Variants in KDM2B observed in about 807,000 individuals in gnomAD.
KDM2B encodes the protein lysine-specific demethylase 2B.
KDM2B carries 26 observed loss-of-function variants against 150.0 expected under a neutral mutation model. The observed-to-expected ratio is 0.17, with a 90% CI of 0.13 to 0.24. KDM2B has a LOEUF of 0.24. Among genes scored for constraint, KDM2B ranks in the 10% least tolerant of loss-of-function variants. The probability of loss-of-function intolerance (pLI) is 1.00; values close to 1 mark genes in which losing one functional copy is unlikely to be tolerated. For synonymous variants in KDM2B, 734 were observed against 729.5 expected (o/e 1.01, Z -0.10); for missense variants, 1,265 against 1,816.9 (o/e 0.70, Z 5.52).
In KDM2B at chr12:121,467,275, C is replaced by T; in HGVS notation, c.1735-13931G>A. The T allele has an allele frequency of 2.0e-6, 2 of 987,672 alleles. No individual in the cohort carries two copies. The highest frequency in any genetic ancestry group is 1.8e-5 in the African/African-American group (1 of 56,962). The allele number at this position is 987,672 out of a possible 1,614,324, so 61.2% of individuals were successfully genotyped here. A position where few individuals can be genotyped will look rare whatever the true frequency, so the allele number is the denominator to read the frequency against. Reference sequence around the variant, plus strand: ...CTGGAGCGGCGCCGCCGCCGCCGCCCGCCCGGAGCAGGCTCGGCTCGCCCT... The same window carrying T: ...CTGGAGCGGCGCCGCCGCCGCCGCCTGCCCGGAGCAGGCTCGGCTCGCCCT... On this transcript the variant is annotated intron_variant, in intron 12 of 22. Coordinates refer to ENST00000377071, the MANE Select transcript of KDM2B (RefSeq NM_032590.5). This position sits in a 1 kb window ranked among gnomAD's most constrained non-coding sequence, Gnocchi z 5.1.
chr12:121,580,230 A>G, intron 1 of KDM2B: 1 of 1,204,930 alleles, frequency 8.3e-7, no homozygotes, highest in Non-Finnish European at 1.0e-6. Context: ...GCAAAGTCCT[A>G]GGAAACCATT....
intron 4 of KDM2B, among the ~76,000 whole-genome samples, chr12:121,553,370 G>A (rs1555312150): frequency 2.0e-5 from 3 of 152,074 alleles, no homozygotes; most frequent in Non-Finnish European, 4.4e-5. Flanking sequence ...GAGTCTGCTG[G>A]GCAGGTAGCA....
At chr12:121,457,776 A>C (rs1878498861) in intron 12 of KDM2B, among the ~76,000 whole-genome samples, 1 of 150,258 alleles carries the variant, frequency 6.7e-6, no homozygotes, top group Non-Finnish European at 1.5e-5. Flanking sequence ...ACACACACAC[A>C]AATATCTTGG....
intron 4 of KDM2B, among the ~76,000 whole-genome samples, chr12:121,573,637 C>A (rs1891283627): frequency 6.7e-6 from 1 of 148,500 alleles, no homozygotes; most frequent in Admixed American, 6.8e-5. Context: ...CAGGCTGGAG[C>A]GCAGTGGCGC....
chr12:121,440,197 A>C, intron 21 of KDM2B, 122 bp from the exon 22 acceptor site: 1 of 669,038 alleles, frequency 1.5e-6, no homozygotes, highest in Non-Finnish European at 2.5e-6. Flanking sequence ...TTAGTTATAA[A>C]CTGCTTCCTC....
intron 11 of KDM2B, among the ~76,000 whole-genome samples, chr12:121,504,229 A>AT (rs1555302583): frequency 6.6e-6 from 1 of 152,074 alleles, no homozygotes; most frequent in Non-Finnish European, 1.5e-5. Flanking sequence ...TACATGGCTA[A>AT]TTTTTTATTT....
In KDM2B at chr12:121,548,942, A is replaced by G. The variant is rs782650154; in HGVS notation, c.618T>C (p.His206=). 6.2e-7 allele frequency: 1 copy of G among 1,614,162 alleles called. No individual in the cohort carries two copies. The highest frequency in any genetic ancestry group is 8.5e-7 in the Non-Finnish European group (1 of 1,180,004). Residue 206 remains histidine, a synonymous_variant, in exon 6 of 23, where the codon CAT becomes CAC. Transcript: ENST00000377071. ...VDWVDNMWPQ[H]LKEKQTEATN... Reference sequence around the variant, plus strand: ...TGGCTTCTGTCTGCTTCTCCTTCAGATGCTGGGGCCACATGTTGTCCACCC... The same window carrying G: ...TGGCTTCTGTCTGCTTCTCCTTCAGGTGCTGGGGCCACATGTTGTCCACCC...
At chr12:121,522,510 G>A (rs1215803186) in intron 8 of KDM2B, among the ~76,000 whole-genome samples, 10 of 126,076 alleles carry the variant, frequency 7.9e-5, no homozygotes, top group African/African-American at 1.5e-4. Flanking sequence ...GTGAAACTCC[G>A]TCTCAAAAAA....
intron 22 of KDM2B, among the ~76,000 whole-genome samples, chr12:121,436,328 T>G (rs965441116): frequency 2.0e-5 from 3 of 152,096 alleles, no homozygotes; most frequent in African/African-American, 7.2e-5. Flanking sequence ...GAAACCATCC[T>G]GGCTAACACG....
rs955413968 is a variant in KDM2B at position 121,568,009 on chromosome 12, G to A, written c.397+6538C>T. Among the ~76,000 whole-genome samples the A allele has an allele frequency of 2.0e-5, 3 of 152,078 alleles. No homozygotes were observed. The East Asian group carries it at 5.8e-4, about 29-fold the overall frequency. ...CTCCCAAAGTGCTGGGATTACAGGC[G>A]TGAGCCACTGCGCCCAGCCTAAGAA... On this transcript the variant is annotated intron_variant, in intron 4 of 22. Coordinates refer to ENST00000377071, the MANE Select transcript of KDM2B (RefSeq NM_032590.5).
rs1566437839 is a variant in KDM2B, at chr12:121,575,757, G to C, written c.350+24C>G. ...ATGTTAGGGAGGAAGACGGGGGAAG[G>C]AGTGATTAGTTTCAGCAACTTACTT... On this transcript the variant is annotated intron_variant, in intron 3 of 22. Coordinates refer to ENST00000377071, the MANE Select transcript of KDM2B (RefSeq NM_032590.5). This position sits in a 1 kb window ranked among gnomAD's most constrained non-coding sequence, Gnocchi z 4.4. 1.3e-6 allele frequency: 2 copies of C among 1,515,988 alleles called. No individual in the cohort carries two copies. The highest frequency in any genetic ancestry group is 1.8e-6 in the Non-Finnish European group (2 of 1,090,596). 93.9% of individuals were successfully genotyped at this position (1,515,988 alleles called of 1,614,324 possible). A position where few individuals can be genotyped will look rare whatever the true frequency, so the allele number is the denominator to read the frequency against.
intron 4 of KDM2B, among the ~76,000 whole-genome samples, chr12:121,572,112 C>A (rs181252497): frequency 6.6e-6 from 1 of 152,260 alleles, no homozygotes; most frequent in East Asian, 1.9e-4. Flanking sequence ...GTGGGCGGAT[C>A]GCTTAGGCCC....
At chr12:121,417,261 T>A in the KDM2B span, among the ~76,000 whole-genome samples, 15 of 152,270 alleles carry the variant, frequency 9.9e-5, no homozygotes, top group Non-Finnish European at 2.1e-4. This position sits in a 1 kb window ranked among gnomAD's most constrained non-coding sequence, Gnocchi z 5.0. Flanking sequence ...TTTTAATTCA[T>A]TAACACAAGA....
Position 121,570,589 on chromosome 12 carries a change from AG to A in KDM2B, c.397+3957del, listed in dbSNP as rs1473545697. On this transcript the variant is annotated intron_variant, in intron 4 of 22. Coordinates refer to ENST00000377071, the MANE Select transcript of KDM2B (RefSeq NM_032590.5). ...TTCATCCTCCACACAGACACACCAG[AG>A]TTGGCTTCTATAAAACTTCAATCAA... is the stretch of plus-strand genomic sequence containing the variant. Among the ~76,000 whole-genome samples, 5 of 152,178 alleles carry A rather than the reference AG, an allele frequency of 3.3e-5. No individual in the cohort carries two copies. In the East Asian group the frequency reaches 9.6e-4, roughly 29 times the overall value.
chr12:121,565,519 G>T (rs1890635481), intron 4 of KDM2B, among the ~76,000 whole-genome samples: 1 of 152,138 alleles, frequency 6.6e-6, no homozygotes, highest in Non-Finnish European at 1.5e-5. Context: ...GTTTCTCCAT[G>T]TTACTCAGGC....
intron 13 of KDM2B, among the ~76,000 whole-genome samples, chr12:121,450,856 A>ATC (rs56266316): frequency 0.64 from 94,353 of 148,554 alleles, 31,271 homozygotes; most frequent in African/African-American, 0.84. Context: ...GCAAGACTCC[A>ATC]TCAAAAAAAA....
At chr12:121,458,099 G>A (rs1203660862) in intron 12 of KDM2B, among the ~76,000 whole-genome samples, 2 of 152,158 alleles carry the variant, frequency 1.3e-5, no homozygotes, top group Admixed American at 6.5e-5. Context: ...AATCCCAACT[G>A]GGGCTGGGCA....
At chr12:121,459,084 C>CAAAAAAA (rs60165748) in intron 12 of KDM2B, among the ~76,000 whole-genome samples, 1 of 102,438 alleles carries the variant, frequency 9.8e-6, no homozygotes, top group Non-Finnish European at 2.0e-5. Flanking sequence ...GACTCTGCCT[C>CAAAAAAA]AAAAAAAAAA....
intron 8 of KDM2B, among the ~76,000 whole-genome samples, chr12:121,530,042 C>T (rs1416744220): frequency 1.3e-5 from 2 of 150,626 alleles, no homozygotes; most frequent in Non-Finnish European, 3.0e-5. Context: ...TCCTGGCTAA[C>T]ACAGTGAAAA....
Sources: gnomAD v4.1 joint callset for allele counts (sites outside exome capture counted in the v4.1 genomes callset) on GRCh38, gnomAD v4.1.1 for gene constraint, Gnocchi (gnomAD v3.1) non-coding constraint, MANE v1.5 for transcripts, NCBI Gene and HGNC (gene_info 2026-07-23, HGNC 2026-07-21) for gene names.